The following NUP160 variants were observed in gnomAD, a reference collection of about 807,000 sequenced individuals.
NUP160 encodes nucleoporin 160, also known as nuclear pore complex protein Nup160.
NUP160 carries 94 observed loss-of-function variants against 196.9 expected under a neutral mutation model. That is an observed-to-expected ratio of 0.48 (90% CI 0.40 to 0.57). NUP160 has a LOEUF of 0.57. Ranked by LOEUF, NUP160 falls within the 20% of genes least tolerant of loss-of-function variation. The pLI is 0.00. For missense variants in NUP160, 1,638 were observed against 1,748.3 expected (o/e 0.94, Z 1.13); for synonymous variants, 605 against 619.7 (o/e 0.98, Z 0.35).
chr11:47,816,523 C>T (rs2135379689), intron 11 of NUP160, among the ~76,000 whole-genome samples: 1 of 152,212 alleles, frequency 6.6e-6, no homozygotes, highest in Non-Finnish European at 1.5e-5. Flanking sequence ...GCCTATAATC[C>T]CAGCACTTTG....
chr11:47,844,972 G>A (rs995251149), intron 2 of NUP160, among the ~76,000 whole-genome samples: 6 of 152,210 alleles, frequency 3.9e-5, no homozygotes, highest in African/African-American at 1.4e-4. Context: ...TCCCATCAAC[G>A]CCATGACAGT....
intron 18 of NUP160, among the ~76,000 whole-genome samples, chr11:47,808,156 C>T (rs1372352330): frequency 6.6e-6 from 1 of 152,120 alleles, no homozygotes. Flanking sequence ...TGGCAGGTGC[C>T]TGAAATCTCA....
chr11:47,839,031 TTG>T (rs1852242851), intron 4 of NUP160, among the ~76,000 whole-genome samples: 1 of 150,250 alleles, frequency 6.7e-6, no homozygotes, highest in Admixed American at 6.6e-5. Flanking sequence ...AAAAGAAAAG[TTG>T]TGTCATGTCA....
intron 27 of NUP160, among the ~76,000 whole-genome samples, chr11:47,793,667 C>T (rs1220950481): frequency 7.4e-6 from 1 of 134,514 alleles, no homozygotes; most frequent in Non-Finnish European, 1.6e-5. Flanking sequence ...GATGGATGAA[C>T]AAAATTTGAC....
intron 10 of NUP160, 47 bp downstream of exon 10, chr11:47,819,324 AAAG>A: frequency 7.2e-7 from 1 of 1,386,410 alleles, no homozygotes; most frequent in Non-Finnish European, 1.0e-6. Context: ...AAAAAAAAAA[AAAG>A]ATCAAAGTAA....
chr11:47,789,498 C>G (rs1463558916), intron 29 of NUP160, among the ~76,000 whole-genome samples: 1 of 152,092 alleles, frequency 6.6e-6, no homozygotes, highest in Non-Finnish European at 1.5e-5. Flanking sequence ...TGGAACTAAG[C>G]TGATTTAAAT....
intron 2 of NUP160, among the ~76,000 whole-genome samples, chr11:47,847,134 A>G (rs563243154): frequency 6.6e-6 from 1 of 152,206 alleles, no homozygotes; most frequent in South Asian, 2.1e-4. Flanking sequence ...CACTTAAGCC[A>G]CACAGATCTT....
At chr11:47,789,845 TA>T (rs2097666870) in intron 29 of NUP160, among the ~76,000 whole-genome samples, 1 of 152,026 alleles carries the variant, frequency 6.6e-6, no homozygotes, top group Non-Finnish European at 1.5e-5. Flanking sequence ...AACATTTCAT[TA>T]CCCAAAAACT....
chr11:47,836,790 T>C (rs1436871568), intron 6 of NUP160, 97 bp downstream of exon 6: 1 of 713,992 alleles, frequency 1.4e-6, no homozygotes, highest in Admixed American at 2.2e-5. Flanking sequence ...CCAAACCAAT[T>C]GATCTAATAA....
chr11:47,802,103 T>A (rs556972717), intron 22 of NUP160, among the ~76,000 whole-genome samples, 173 bp from the exon 23 acceptor site: 17 of 152,308 alleles, frequency 1.1e-4, no homozygotes, highest in South Asian at 6.2e-4. Context: ...TTCATATTTT[T>A]AAAAATGTAT....
intron 20 of NUP160, 78 bp from the exon 21 acceptor site, chr11:47,804,696 A>G (rs1018853597): frequency 1.0e-6 from 1 of 965,316 alleles, no homozygotes; most frequent in African/African-American, 1.7e-5. Context: ...AATTCAGAAA[A>G]GTCCATAAAA....
At chr11:47,818,801 G>A (rs1042110808) in intron 10 of NUP160, among the ~76,000 whole-genome samples, 2 of 152,136 alleles carry the variant, frequency 1.3e-5, no homozygotes, top group Non-Finnish European at 2.9e-5. Flanking sequence ...TTAGACAAAA[G>A]CCAAGTGCCA....
chr11:47,840,702 A>T (rs1852278491), intron 2 of NUP160, 114 bp from the exon 3 acceptor site: 5 of 783,304 alleles, frequency 6.4e-6, no homozygotes, highest in Non-Finnish European at 1.0e-5. Context: ...AATTTTGGAT[A>T]AACAGATTTG....
chr11:47,800,395 C>CTT (rs984091868), intron 23 of NUP160, among the ~76,000 whole-genome samples: 3 of 143,084 alleles, frequency 2.1e-5, no homozygotes, highest in South Asian at 2.3e-4. Context: ...GGGTTTTTTT[C>CTT]TTTTTTTTTT....
exon 13 of NUP160, chr11:47,815,620 G>A (rs904134338): frequency 1.2e-6 from 2 of 1,608,416 alleles, no homozygotes; most frequent in Non-Finnish European, 1.7e-6. Flanking sequence ...CCTCCTGGGA[G>A]AATTCATACT....
At chr11:47,823,028 A>C (rs1851896352) in intron 7 of NUP160, among the ~76,000 whole-genome samples, 2 of 152,194 alleles carry the variant, frequency 1.3e-5, no homozygotes, top group African/African-American at 4.8e-5. Flanking sequence ...CACAATAAAT[A>C]TATGTGTGCA....
chr11:47,821,906 G>A (rs1268409814), intron 8 of NUP160, 85 bp from the exon 9 acceptor site: 2 of 1,148,348 alleles, frequency 1.7e-6, no homozygotes, highest in Non-Finnish European at 2.6e-6. Flanking sequence ...CAGTAGGAGA[G>A]GTAAATGTAT....
chr11:47,837,948 G>A (rs1156246171), intron 4 of NUP160, among the ~76,000 whole-genome samples: 1 of 152,190 alleles, frequency 6.6e-6, no homozygotes, highest in Non-Finnish European at 1.5e-5. Context: ...AGTTCTAGAT[G>A]GTAGTGACAT....
chr11:47,836,609 T>C (rs1852181224), intron 6 of NUP160, among the ~76,000 whole-genome samples: 1 of 152,080 alleles, frequency 6.6e-6, no homozygotes, highest in African/African-American at 2.4e-5. Context: ...TGAGACTGTT[T>C]CAAAAAATTA....
Sources: allele counts gnomAD v4.1 joint callset (sites outside exome capture counted in the v4.1 genomes callset), GRCh38; gene constraint gnomAD v4.1.1; transcripts MANE v1.5; gene names NCBI Gene and HGNC (gene_info 2026-07-23, HGNC 2026-07-21).